The following ACP7 variants were observed in gnomAD, a reference collection of about 807,000 sequenced individuals.
The protein encoded by ACP7 is acid phosphatase type 7.
Under a neutral mutation model 60.6 loss-of-function variants are expected in ACP7, and 58 were observed. The observed-to-expected ratio is 0.96, with a 90% CI of 0.77 to 1.19. ACP7 has a LOEUF of 1.19. Ranked by LOEUF, ACP7 falls within the 50% of genes most tolerant of loss-of-function variation. The probability of loss-of-function intolerance (pLI) is 0.00; values close to 1 mark genes in which losing one functional copy is unlikely to be tolerated. For missense variants in ACP7, 574 were observed against 596.2 expected (o/e 0.96, Z 0.39); for synonymous variants, 237 against 232.6 (o/e 1.02, Z -0.17).
chr19:39,098,144 G>C, intron 2 of ACP7, among the ~76,000 whole-genome samples: 1 of 151,428 alleles, frequency 6.6e-6, no homozygotes, highest in East Asian at 1.9e-4. Flanking sequence ...CCAGCTACTC[G>C]GGAGGCTGAG....
chr19:39,086,643 G>A (rs573385891), intron 2 of ACP7, among the ~76,000 whole-genome samples: 22,424 of 118,810 alleles, frequency 0.19, 2,280 homozygotes, highest in East Asian at 0.21. Flanking sequence ...AAAAAAAAAG[G>A]GGGGGGGGAG....
At chr19:39,097,506 G>A (rs542131837) in intron 2 of ACP7, among the ~76,000 whole-genome samples, 1 of 151,742 alleles carries the variant, frequency 6.6e-6, no homozygotes, top group South Asian at 2.1e-4. Context: ...CAAGGCTGCA[G>A]TGAGCTAAGA....
At chr19:39,089,247 CA>C (rs2073178319) in intron 2 of ACP7, among the ~76,000 whole-genome samples, 1 of 151,430 alleles carries the variant, frequency 6.6e-6, no homozygotes, top group African/African-American at 2.4e-5. Flanking sequence ...TTGTATTTTT[CA>C]GTAGAGATGG....
Position 39,095,867 on chromosome 19 carries a change from C to T in ACP7, c.122-2591C>T, listed in dbSNP as rs373416448. Among the ~76,000 whole-genome samples, 211 of 152,356 alleles carry T rather than the reference C, an allele frequency of 1.4e-3. 1 individual carries two copies. Among genetic ancestry groups the T allele is most frequent in the African/African-American group, 4.9e-3 (203 of 41,584 alleles). On this transcript the variant is annotated intron_variant, in intron 2 of 12. Transcript: ENST00000331256. The stretch of plus-strand genomic sequence containing the variant: ...CAGGCTCAAAACCATGTGGAAGCTG[C>T]CAAGGCTTGGGGATTGCACCCTCTG...
In ACP7 at chr19:39,101,484, G is replaced by C; in HGVS notation, c.1060G>C (p.Glu354Gln). The change falls in exon 11 of 13, where the codon GAG becomes CAG. Residue 354 changes from glutamate (E) to glutamine (Q), a missense_variant. Glu to Gln is a conservative substitution (Grantham distance 29). Coordinates refer to ENST00000331256, the MANE Select transcript of ACP7 (RefSeq NM_001004318.3). ...TCCCCAGGTATTTAACGGCAGCCGA[G>C]AGATGCCCTACACCAACCCGCGAGG... ...YNYQVFNGSR[E>Q]MPYTNPRGPV... The C allele has an allele frequency of 6.2e-7, 1 of 1,614,150 alleles. No homozygotes were observed. The highest frequency in any genetic ancestry group is 8.5e-7 in the Non-Finnish European group (1 of 1,180,018).
chr19:39,106,056 T>C (rs763437002), intron 11 of ACP7, among the ~76,000 whole-genome samples: 6 of 152,200 alleles, frequency 3.9e-5, no homozygotes, highest in Non-Finnish European at 8.8e-5. Flanking sequence ...TTATCATCCA[T>C]TCATGATCCT....
At chr19:39,102,767 C>CTTTCCT (rs754172891) in intron 11 of ACP7, among the ~76,000 whole-genome samples, 1 of 101,054 alleles carries the variant, frequency 9.9e-6, no homozygotes, top group African/African-American at 3.5e-5. Flanking sequence ...TTCTTTCTTT[C>CTTTCCT]TCTCTCTCTC....
chr19:39,110,292 G>T lies in ACP7; in HGVS notation c.*174G>T, dbSNP rs537770053. On this transcript the variant is annotated 3_prime_UTR_variant, in exon 13 of 13. Transcript: ENST00000331256. ...GCTGGGGCAGCTGTTCCCTCCTGGAGAGGTGGGAGTCCTGGCTGGCTGTGG... is the reference window on the plus strand; with the variant it reads ...GCTGGGGCAGCTGTTCCCTCCTGGATAGGTGGGAGTCCTGGCTGGCTGTGG... The T allele has an allele frequency of 6.3e-6, 4 of 630,238 alleles. No homozygotes were observed. The highest frequency in any genetic ancestry group is 1.1e-5 in the Non-Finnish European group (4 of 361,624). 39.0% of individuals were successfully genotyped at this position (630,238 alleles called of 1,614,324 possible).
chr19:39,101,249 C>T, intron 9 of ACP7, 39 bp from the exon 10 acceptor site: 1 of 1,614,148 alleles, frequency 6.2e-7, no homozygotes. Flanking sequence ...CCCACCTCTC[C>T]CCAATTCAGA....
In ACP7 at chr19:39,099,115, G is replaced by A; in HGVS notation, c.478G>A (p.Gly160Ser). Reference protein sequence around the residue: ...VPRLRRDTQQGMYDAVLHVGD... With the variant: ...VPRLRRDTQQSMYDAVLHVGD... Reference sequence around the variant, plus strand: ...CCGGCTGCGCAGGGACACCCAGCAGGGCATGTATGACGCCGTTCTCCATGT... The same window carrying A: ...CCGGCTGCGCAGGGACACCCAGCAGAGCATGTATGACGCCGTTCTCCATGT... Residue 160 changes from glycine to serine, a missense_variant, in exon 4 of 13, where the codon GGC (glycine) becomes AGC (serine). By Grantham distance (56) the Gly-to-Ser change is moderately conservative (BLOSUM62 0). Transcript: ENST00000331256. 2.5e-6 allele frequency: 4 copies of A among 1,577,820 alleles called. No individual in the cohort carries two copies. Among genetic ancestry groups the A allele is most frequent in the Non-Finnish European group, 3.4e-6 (4 of 1,164,532 alleles).
intron 12 of ACP7, among the ~76,000 whole-genome samples, chr19:39,108,851 C>T (rs957283890): frequency 2.0e-4 from 31 of 152,118 alleles, no homozygotes; most frequent in African/African-American, 6.5e-4. Flanking sequence ...GACAGAGTTT[C>T]ACCCTGTCGC....
chr19:39,089,564 C>T (rs967290198), intron 2 of ACP7, among the ~76,000 whole-genome samples: 2 of 152,132 alleles, frequency 1.3e-5, no homozygotes, highest in Non-Finnish European at 2.9e-5. Context: ...TTGAATTTCA[C>T]CCGTTTTTCT....
rs202133727 is a variant in ACP7 at position 39,102,768 on chromosome 19, T to TTTCTTTCTTTC, written c.1113+1231_1113+1232insTTCTTTCTTTC. On this transcript the variant is annotated intron_variant, in intron 11 of 12. Coordinates refer to ENST00000331256, the MANE Select transcript of ACP7 (RefSeq NM_001004318.3). ...CTTTCTTTCTTTCTTTCTTTCTTTC[T>TTTCTTTCTTTC]CTCTCTCTCTCTTTCTCTCTCTCTC... 5.3e-5 allele frequency among the ~76,000 whole-genome samples: 3 copies of TTTCTTTCTTTC among 56,974 alleles called. No homozygotes were observed. The East Asian group carries it at 1.6e-3, about 30-fold the overall frequency. 37.4% of individuals were successfully genotyped at this position (56,974 alleles called of 152,430 possible). A position where few individuals can be genotyped will look rare whatever the true frequency, so the allele number is the denominator to read the frequency against.
Position 39,098,603 on chromosome 19 carries a change from G to A in ACP7, c.267G>A (p.Arg89=). Residue 89 remains arginine (R), a synonymous_variant, in exon 3 of 13, where the codon CGG becomes CGA. Coordinates refer to ENST00000331256, the MANE Select transcript of ACP7 (RefSeq NM_001004318.3). ...TTGTGGACGGGGGCATTCTCCGGCG[G>A]AAGCTCTACATACACCGAGTCACGC... ...VPFVDGGILR[R]KLYIHRVTLR... 1.2e-6 allele frequency: 2 copies of A among 1,613,702 alleles called. No individual in the cohort carries two copies. The highest frequency in any genetic ancestry group is 1.7e-6 in the Non-Finnish European group (2 of 1,179,824).
chr19:39,100,652 G>C lies in ACP7; in HGVS notation c.692+10G>C, dbSNP rs202214139. On this transcript the variant is annotated intron_variant, in intron 6 of 12. Coordinates refer to ENST00000331256, the MANE Select transcript of ACP7 (RefSeq NM_001004318.3). Reference sequence around the variant, plus strand: ...AGGGCCTGTGGTACAGGTAATGTGGGGGTGCTGGGGGACTGGCCCTCTCCC... The same window carrying C: ...AGGGCCTGTGGTACAGGTAATGTGGCGGTGCTGGGGGACTGGCCCTCTCCC... 1.2e-5 allele frequency: 20 copies of C among 1,613,906 alleles called. No individual in the cohort carries two copies. The East Asian group carries it at 3.3e-4, about 27-fold the overall frequency.
chr19:39,100,566 T>C lies in ACP7; in HGVS notation c.630-14T>C. ...AGTCCTTCACCTCCATCCCTTGTAC[T>C]TCCTTTATTCCAGCAACTTCTCTAA... On this transcript the variant is annotated splice_polypyrimidine_tract_variant and intron_variant, in intron 5 of 12. Coordinates refer to ENST00000331256, the MANE Select transcript of ACP7 (RefSeq NM_001004318.3). The C allele has an allele frequency of 6.2e-7, 1 of 1,613,602 alleles. No homozygotes were observed. The highest frequency in any genetic ancestry group is 8.5e-7 in the Non-Finnish European group (1 of 1,179,540).
At chr19:39,097,543 C>T (rs1309475283) in intron 2 of ACP7, among the ~76,000 whole-genome samples, 2 of 147,804 alleles carry the variant, frequency 1.4e-5, no homozygotes, top group Non-Finnish European at 3.0e-5. Context: ...CCAGCCTGGG[C>T]AATAGAGTGA....
intron 12 of ACP7, among the ~76,000 whole-genome samples, chr19:39,109,101 C>T (rs2073441413): frequency 6.6e-6 from 1 of 152,142 alleles, no homozygotes; most frequent in Non-Finnish European, 1.5e-5. Flanking sequence ...GGATTACAGG[C>T]ATGAGCCACC....
chr19:39,091,491 A>C (rs1046576733), intron 2 of ACP7, among the ~76,000 whole-genome samples: 2 of 152,088 alleles, frequency 1.3e-5, no homozygotes, highest in African/African-American at 4.8e-5. Flanking sequence ...AGTATTTAGA[A>C]ACTAAGATCT....
Sources: gnomAD v4.1 joint callset for allele counts (sites outside exome capture counted in the v4.1 genomes callset) on GRCh38, gnomAD v4.1.1 for gene constraint, MANE v1.5 for transcripts, NCBI Gene and HGNC (gene_info 2026-07-23, HGNC 2026-07-21) for gene names.